Variants in SUMF1 observed in about 807,000 individuals in gnomAD.
The protein encoded by SUMF1 is formylglycine-generating enzyme.
In SUMF1, 48 loss-of-function variants were observed where a neutral mutation model predicts 47.6. The observed-to-expected ratio is 1.01, with a 90% confidence interval of 0.80 to 1.28. SUMF1 has a LOEUF of 1.28. SUMF1 is among the 50% of genes most tolerant of loss of function. The pLI is 0.00. For synonymous variants in SUMF1, 230 were observed against 192.1 expected, an observed-to-expected ratio of 1.20 and a Z score of -1.63; for missense variants, 571 against 485.4, an observed-to-expected ratio of 1.18 and a Z score of -1.66.
At chr3:4,224,109 G>A (rs1373883867) in intron 8 of SUMF1, among the ~76,000 whole-genome samples, 1 of 152,080 alleles carries the variant, frequency 6.6e-6, no homozygotes, top group Non-Finnish European at 1.5e-5. Context: ...GGGGAACAGT[G>A]CAAGGACCTC....
At chr3:4,153,752 A>G (rs1260695737) in intron 8 of SUMF1, among the ~76,000 whole-genome samples, 1 of 151,402 alleles carries the variant, frequency 6.6e-6, no homozygotes, top group Non-Finnish European at 1.5e-5. Context: ...AACATATTCC[A>G]TTTCTGTATG....
intron 8 of SUMF1, among the ~76,000 whole-genome samples, chr3:4,300,045 G>T (rs1324211074): frequency 2.0e-5 from 3 of 152,132 alleles, no homozygotes; most frequent in Non-Finnish European, 4.4e-5. Context: ...CTAATCCCCA[G>T]TGTTGGAGGT....
chr3:4,316,046 CAAAAAAAAAAAAA>C (rs774059331), intron 8 of SUMF1, among the ~76,000 whole-genome samples: 1 of 76,886 alleles, frequency 1.3e-5, no homozygotes, highest in Non-Finnish European at 2.7e-5. Context: ...GACTCTGTCT[CAAAAAAAAAAAAA>C]AAAAAAAAAG....
At chr3:4,079,990 T>G (rs1352807981) in intron 8 of SUMF1, among the ~76,000 whole-genome samples, 1 of 151,976 alleles carries the variant, frequency 6.6e-6, no homozygotes, top group African/African-American at 2.4e-5. Context: ...CACTGCTCTC[T>G]GGACTTCGGT....
intron 8 of SUMF1, among the ~76,000 whole-genome samples, chr3:4,254,001 A>AAC (rs1430397168): frequency 6.6e-6 from 1 of 151,030 alleles, no homozygotes; most frequent in East Asian, 1.9e-4. Flanking sequence ...CAGCAAGGGC[A>AAC]CACTGACACC....
intron 3 of SUMF1, among the ~76,000 whole-genome samples, chr3:4,424,431 A>G (rs1702001952): frequency 6.6e-6 from 1 of 152,206 alleles, no homozygotes; most frequent in African/African-American, 2.4e-5. Flanking sequence ...GATGGAAAAA[A>G]CACGTGAACA....
chr3:4,335,980 A>AAAAAAAAAAAC (rs5846321), intron 8 of SUMF1, among the ~76,000 whole-genome samples: 1 of 148,094 alleles, frequency 6.8e-6, no homozygotes, highest in Non-Finnish European at 1.5e-5. Context: ...AAAAAAAAAA[A>AAAAAAAAAAAC]CAGAAAAAAC....
intron 8 of SUMF1, among the ~76,000 whole-genome samples, chr3:4,255,730 C>T (rs962044897): frequency 1.5e-5 from 2 of 134,422 alleles, no homozygotes; most frequent in East Asian, 2.1e-4. Context: ...AACAAGGATA[C>T]CCAGGAATTG....
At chr3:4,259,223 C>A (rs976788526) in intron 8 of SUMF1, among the ~76,000 whole-genome samples, 4 of 151,778 alleles carry the variant, frequency 2.6e-5, no homozygotes, top group Non-Finnish European at 5.9e-5. Context: ...TGTAAGTAAC[C>A]TGCACAATGT....
intron 8 of SUMF1, chr3:4,317,219 T>C: frequency 6.5e-7 from 1 of 1,545,314 alleles, no homozygotes; most frequent in Admixed American, 2.0e-5. Flanking sequence ...AAAAATGTGT[T>C]GATTGTAATG....
At chr3:4,221,417 G>A (rs1696060832) in intron 8 of SUMF1, among the ~76,000 whole-genome samples, 1 of 12,884 alleles carries the variant, frequency 7.8e-5, no homozygotes, top group Non-Finnish European at 1.5e-4. Context: ...TTTTTGGGGT[G>A]TGTGTGTGTG....
intron 7 of SUMF1, among the ~76,000 whole-genome samples, chr3:4,392,832 AT>A (rs1337804465): frequency 5.4e-5 from 8 of 146,792 alleles, no homozygotes; most frequent in Middle Eastern, 3.6e-3. Context: ...CTCTGTTCAG[AT>A]TTTTTTTTTC....
chr3:4,039,356 A>G (rs1340133753), intron 9 of SUMF1, among the ~76,000 whole-genome samples: 4 of 96,132 alleles, frequency 4.2e-5, no homozygotes, highest in Admixed American at 2.2e-4. Context: ...ATATCTCCCA[A>G]TGCTATCCCT....
At chr3:4,345,163 C>G (rs1428041250) in intron 8 of SUMF1, among the ~76,000 whole-genome samples, 1 of 152,148 alleles carries the variant, frequency 6.6e-6, no homozygotes, top group Non-Finnish European at 1.5e-5. Flanking sequence ...GGCCAACACG[C>G]AAATTCAAGA....
chr3:4,211,121 T>TATATATATATATATATATATACACACAC (rs150373609), intron 8 of SUMF1, among the ~76,000 whole-genome samples: 6 of 128,310 alleles, frequency 4.7e-5, no homozygotes, highest in African/African-American at 1.8e-4. Context: ...TATATATATA[T>TATATATATATATATATATATACACACAC]ACACACACAC....
rs1254393848 is a variant in SUMF1, at chr3:4,335,970, A to C, written c.1014+40360T>G. On this transcript the variant is annotated intron_variant and NMD_transcript_variant, in intron 8 of 12. Transcript: ENST00000448413. The stretch of plus-strand genomic sequence containing the variant: ...AGTGAGATTCCAACTCAAAAAAAAA[A>C]AAAAAAAAAACAGAAAAAACCCCCA... Among the ~76,000 whole-genome samples, 6 of 149,498 alleles carry C rather than the reference A, an allele frequency of 4.0e-5. No individual in the cohort carries two copies. The East Asian group carries it at 1.2e-3, about 30-fold the overall frequency.
At chr3:4,116,796 C>T (rs1693433155) in intron 8 of SUMF1, among the ~76,000 whole-genome samples, 1 of 152,082 alleles carries the variant, frequency 6.6e-6, no homozygotes, top group African/African-American at 2.4e-5. Flanking sequence ...ACAATTCCAG[C>T]AATTTCTATC....
rs191904792 is a variant in SUMF1, at chr3:4,217,461, T to C, written c.1015-148716A>G. Among the ~76,000 whole-genome samples the C allele has an allele frequency of 6.6e-3, 840 of 127,098 alleles. 11 individuals carry two copies. Among genetic ancestry groups the C allele is most frequent in the Middle Eastern group, 0.019 (5 of 268 alleles). The allele number at this position is 127,098 out of a possible 152,430, so 83.4% of individuals were successfully genotyped here. A position where few individuals can be genotyped will look rare whatever the true frequency, so the allele number is the denominator to read the frequency against. On this transcript the variant is annotated intron_variant and NMD_transcript_variant, in intron 8 of 12. Transcript: ENST00000448413. ...CAAACCACCATGGCACATGTATACC[T>C]ATGTAACAAAACTTCACGTTGTACA...
At chr3:4,115,999 T>C (rs535633672) in intron 8 of SUMF1, among the ~76,000 whole-genome samples, 5 of 152,220 alleles carry the variant, frequency 3.3e-5, no homozygotes, top group East Asian at 1.9e-4. Flanking sequence ...ATGAAAGTTA[T>C]TGATATTTTT....
Sources: gnomAD v4.1 joint callset for allele counts (sites outside exome capture counted in the v4.1 genomes callset) on GRCh38, gnomAD v4.1.1 for gene constraint, MANE v1.5 for transcripts, NCBI Gene and HGNC (gene_info 2026-07-23, HGNC 2026-07-21) for gene names.